KCNQ4: variants seen among roughly 807,000 people sequenced by gnomAD.
The protein encoded by KCNQ4 is potassium voltage-gated channel subfamily KQT member 4.
In KCNQ4, 31 loss-of-function variants were observed where a neutral mutation model predicts 72.6. That is an observed-to-expected ratio of 0.43 (90% CI 0.32 to 0.58). The LOEUF is 0.58. KCNQ4 is among the 20% of genes least tolerant of loss of function. The pLI, the probability that KCNQ4 is intolerant of heterozygous loss-of-function variation, is 0.08. For missense variants in KCNQ4, 869 were observed against 962.6 expected (o/e 0.90, Z 1.29); for synonymous variants, 405 against 403.7 (o/e 1.00, Z -0.04).
intron 9 of KCNQ4, among the ~76,000 whole-genome samples, chr1:40,825,150 C>T (rs1175102728): frequency 6.6e-6 from 1 of 152,188 alleles, no homozygotes; most frequent in Non-Finnish European, 1.5e-5. Context: ...TTCTTTTTCC[C>T]TCGTCCTTTA....
intron 1 of KCNQ4, among the ~76,000 whole-genome samples, chr1:40,816,127 T>G (rs770278733): frequency 2.0e-5 from 3 of 152,134 alleles, no homozygotes; most frequent in Non-Finnish European, 4.4e-5. Flanking sequence ...CTGCGTAGCA[T>G]GCACCGTGCC....
chr1:40,838,650 G>T lies in KCNQ4; in HGVS notation c.*127G>T. The T allele has an allele frequency of 1.1e-6, 1 of 895,648 alleles. No individual in the cohort carries two copies. Among genetic ancestry groups the T allele is most frequent in the Non-Finnish European group, 1.8e-6 (1 of 554,830 alleles). 55.5% of individuals were successfully genotyped at this position (895,648 alleles called of 1,614,324 possible). On this transcript the variant is annotated 3_prime_UTR_variant, in exon 14 of 14. Transcript: ENST00000347132. ...CTCACGGGGAGAGAGACCACACGCA[G>T]TATTGAGCTGCCTGAGTGGGCGTGG...
chr1:40,833,730 C>T (rs1412361277), intron 11 of KCNQ4, among the ~76,000 whole-genome samples: 1 of 150,132 alleles, frequency 6.7e-6, no homozygotes, highest in Non-Finnish European at 1.5e-5. Context: ...GGCGTGGTGG[C>T]TCATGCCTGT....
chr1:40,805,877 T>C (rs1475152381), intron 1 of KCNQ4, among the ~76,000 whole-genome samples: 1 of 152,168 alleles, frequency 6.6e-6, no homozygotes, highest in East Asian at 1.9e-4. Flanking sequence ...AGTCTTGCTC[T>C]GTCGCCCAGG....
chr1:40,818,714 G>A (rs759000782), intron 4 of KCNQ4, 34 bp downstream of exon 4: 4 of 1,559,288 alleles, frequency 2.6e-6, no homozygotes, highest in Non-Finnish European at 3.5e-6. Context: ...GAGACCCGAG[G>A]GCGTGTCTGG....
intron 1 of KCNQ4, among the ~76,000 whole-genome samples, chr1:40,810,771 G>A (rs1442652763): frequency 2.0e-5 from 3 of 152,154 alleles, no homozygotes; most frequent in Admixed American, 6.5e-5. Flanking sequence ...CACTGCTGGA[G>A]AGTTACCAAG....
intron 7 of KCNQ4, among the ~76,000 whole-genome samples, chr1:40,822,011 T>G (rs1648311330): frequency 6.6e-6 from 1 of 152,192 alleles, no homozygotes; most frequent in Non-Finnish European, 1.5e-5. Flanking sequence ...TTGTCCTCAC[T>G]AATAAGGGGC....
In KCNQ4 at chr1:40,831,899, G is replaced by A. The variant is rs553023038; in HGVS notation, c.1513+595G>A. The stretch of plus-strand genomic sequence containing the variant: ...CTGTTTTTGTCCCCACTTTACAGAC[G>A]TGGGCACTGAGATCTCTCAGCTTGT... On this transcript the variant is annotated intron_variant, in intron 10 of 13. Coordinates refer to ENST00000347132, the MANE Select transcript of KCNQ4 (RefSeq NM_004700.4). Among the ~76,000 whole-genome samples, 362 of 152,270 alleles carry A rather than the reference G, an allele frequency of 2.4e-3. 1 individual carries two copies. The highest frequency in any genetic ancestry group is 8.4e-3 in the African/African-American group (348 of 41,536).
At chr1:40,815,065 C>A (rs1648042756) in intron 1 of KCNQ4, among the ~76,000 whole-genome samples, 2 of 150,996 alleles carry the variant, frequency 1.3e-5, no homozygotes, top group Admixed American at 1.3e-4. Context: ...CATGGTGCAA[C>A]CCCGTCTCTA....
intron 1 of KCNQ4, among the ~76,000 whole-genome samples, chr1:40,802,680 C>T (rs1647620926): frequency 6.6e-6 from 1 of 152,266 alleles, no homozygotes; most frequent in South Asian, 2.1e-4. Flanking sequence ...GAGGAGTCCC[C>T]CAGGAGCCCT....
At chr1:40,799,433 C>G (rs574135316) in intron 1 of KCNQ4, among the ~76,000 whole-genome samples, 4 of 56,562 alleles carry the variant, frequency 7.1e-5, no homozygotes, top group South Asian at 6.4e-4. Flanking sequence ...GTGGGCCATG[C>G]CCCCCCCCTC....
chr1:40,825,593 G>T (rs1015740012), intron 9 of KCNQ4, among the ~76,000 whole-genome samples: 4 of 152,078 alleles, frequency 2.6e-5, no homozygotes, highest in African/African-American at 9.7e-5. Context: ...GGGCTGGAGG[G>T]AGGGGAAGCG....
At chr1:40,832,251 C>A (rs568630809) in intron 10 of KCNQ4, among the ~76,000 whole-genome samples, 1 of 152,302 alleles carries the variant, frequency 6.6e-6, no homozygotes, top group Admixed American at 6.5e-5. Context: ...ACAGCTCCCC[C>A]TTTGGCCTTG....
chr1:40,827,863 GC>G (rs1558025542), intron 9 of KCNQ4, among the ~76,000 whole-genome samples: 1 of 152,042 alleles, frequency 6.6e-6, no homozygotes, highest in Non-Finnish European at 1.5e-5. Flanking sequence ...ATAAATATTG[GC>G]CTTATTTGAT....
Position 40,823,299 on chromosome 1 carries a change from C to A in KCNQ4, c.1131-798C>A, listed in dbSNP as rs74547753. On this transcript the variant is annotated intron_variant, in intron 8 of 13. Coordinates refer to ENST00000347132, the MANE Select transcript of KCNQ4 (RefSeq NM_004700.4). ...GGTGCCCCCACATCTCTCCACCCGG[C>A]AGAGGCAAGCTCCTACCTCAGAGTG... Among the ~76,000 whole-genome samples, 313 of 152,294 alleles carry A rather than the reference C, an allele frequency of 2.1e-3. 9 individuals are homozygous for A. In the East Asian group the frequency reaches 0.056, roughly 27 times the overall value.
intron 1 of KCNQ4, among the ~76,000 whole-genome samples, chr1:40,800,480 A>C (rs947550574): frequency 6.6e-6 from 1 of 152,214 alleles, no homozygotes; most frequent in African/African-American, 2.4e-5. Context: ...GTGGGTCTCC[A>C]TTTATACTCT....
intron 1 of KCNQ4, among the ~76,000 whole-genome samples, chr1:40,816,121 G>A (rs953548738): frequency 2.6e-5 from 4 of 152,120 alleles, no homozygotes; most frequent in South Asian, 2.1e-4. Flanking sequence ...GGTGTTCTGC[G>A]TAGCATGCAC....
intron 1 of KCNQ4, among the ~76,000 whole-genome samples, chr1:40,789,883 C>T (rs1455765876): frequency 6.6e-6 from 1 of 152,180 alleles, no homozygotes; most frequent in Non-Finnish European, 1.5e-5. Flanking sequence ...GAGGCCCTGC[C>T]CACAAAGGAG....
intron 9 of KCNQ4, among the ~76,000 whole-genome samples, chr1:40,825,546 AGGAAGTG>A (rs138479263): frequency 0.028 from 4,216 of 152,098 alleles, 78 homozygotes; most frequent in Non-Finnish European, 0.039. Context: ...GGGGCTGAAC[AGGAAGTG>A]GGTGGAGAGG....
Sources: gnomAD v4.1 joint callset for allele counts (sites outside exome capture counted in the v4.1 genomes callset) on GRCh38, gnomAD v4.1.1 for gene constraint, MANE v1.5 for transcripts, NCBI Gene and HGNC (gene_info 2026-07-23, HGNC 2026-07-21) for gene names.